Variants in UNC13A observed in about 807,000 individuals in gnomAD.
UNC13A encodes unc-13 homolog A.
A neutral mutation model predicts 219.7 loss-of-function variants in UNC13A; 61 were observed. That is an observed-to-expected ratio of 0.28 (90% CI 0.23 to 0.34). UNC13A has a LOEUF of 0.34. Among genes scored for constraint, UNC13A ranks in the 10% least tolerant of loss-of-function variants. The probability of loss-of-function intolerance (pLI) is 1.00; values close to 1 mark genes in which losing one functional copy is unlikely to be tolerated. For synonymous variants in UNC13A, 920 were observed against 884.6 expected (o/e 1.04, Z -0.71); for missense variants, 1,476 against 2,270.3 (o/e 0.65, Z 7.11).
At chr19:17,650,180 G>T (rs903280457) in intron 12 of UNC13A, among the ~76,000 whole-genome samples, 2 of 152,170 alleles carry the variant, frequency 1.3e-5, no homozygotes, top group Non-Finnish European at 2.9e-5. Flanking sequence ...CACCTTGAAT[G>T]AAAACGTGAA....
intron 20 of UNC13A, among the ~76,000 whole-genome samples, chr19:17,642,159 T>A (rs573578005): frequency 3.3e-5 from 5 of 152,190 alleles, no homozygotes; most frequent in African/African-American, 1.2e-4. Flanking sequence ...TACAACTTAA[T>A]CTGCTCATCC....
At position 17,618,505 on chromosome 19, in the gene UNC13A, G is replaced by A; in HGVS notation, c.4330-4C>T. Reference sequence around the variant, plus strand: ...CTTCTTCTCGTACCATGTGATCCTGGATGGATGGGGAGAGGGGCCATGTGG... The same window carrying A: ...CTTCTTCTCGTACCATGTGATCCTGAATGGATGGGGAGAGGGGCCATGTGG... On this transcript the variant is annotated splice_region_variant and splice_polypyrimidine_tract_variant and intron_variant, in intron 39 of 43. Transcript: ENST00000519716. The A allele has an allele frequency of 6.3e-7, 1 of 1,584,810 alleles. No homozygotes were observed. Among genetic ancestry groups the A allele is most frequent in the Non-Finnish European group, 8.6e-7 (1 of 1,165,330 alleles).
At chr19:17,633,951 G>A (rs560474937) in intron 26 of UNC13A, among the ~76,000 whole-genome samples, 147 of 134,072 alleles carry the variant, frequency 1.1e-3, no homozygotes, top group African/African-American at 1.1e-3. Flanking sequence ...CCACCCATCC[G>A]TTCACCTATC....
In UNC13A at chr19:17,649,280, G is replaced by T; in HGVS notation, c.1524+59C>A. On this transcript the variant is annotated intron_variant, in intron 14 of 43. Transcript: ENST00000519716. The surrounding 1 kb of genome is among the most constrained non-coding windows in gnomAD (Gnocchi z 4.4). ...TCCATGAATTGGGGGCCTGTTAGAA[G>T]ATCCCAGTGGGGGAGTTTGGGGAGA... 1 of 1,546,570 alleles carries T rather than the reference G, an allele frequency of 6.5e-7. No individual in the cohort carries two copies. The highest frequency in any genetic ancestry group is 8.7e-7 in the Non-Finnish European group (1 of 1,152,240).
chr19:17,627,705 C>A lies in UNC13A; in HGVS notation c.3832-108G>T. The A allele has an allele frequency of 8.0e-7, 1 of 1,255,014 alleles. No individual in the cohort carries two copies. The highest frequency in any genetic ancestry group is 1.3e-5 in the South Asian group (1 of 76,142). The allele number at this position is 1,255,014 out of a possible 1,614,324, so 77.7% of individuals were successfully genotyped here. On this transcript the variant is annotated intron_variant, in intron 32 of 43. Transcript: ENST00000519716. This position sits in a 1 kb window ranked among gnomAD's most constrained non-coding sequence, Gnocchi z 4.7. ...GGATCCCAAGGGGCTGCAGGGGAAA[C>A]TGAGGCACAGACCGTTATGCTGCAA...
chr19:17,656,161 C>T lies in UNC13A; in HGVS notation c.1005G>A (p.Glu335=). 6.4e-7 allele frequency: 1 copy of T among 1,552,346 alleles called. No individual in the cohort carries two copies. Residue 335 remains glutamate (E), a synonymous_variant, in exon 10 of 44, where the codon GAG becomes GAA. Transcript: ENST00000519716. ...GCTCCTCCTCATCTTCAGGCAGCTC[C>T]TCCTCCTCCAGGAAGTCCTCCAGGT... ...EEDLEDFLEE[E]ELPEDEEELE...
At chr19:17,670,839 G>T (rs2145904490) in intron 4 of UNC13A, among the ~76,000 whole-genome samples, 1 of 151,778 alleles carries the variant, frequency 6.6e-6, no homozygotes, top group East Asian at 1.9e-4. Flanking sequence ...GGGAGGCAGA[G>T]GTTGCAGTGA....
rs116041506 is a variant in UNC13A at position 17,645,570 on chromosome 19, C to A, written c.2356+104G>T. 5.3e-4 allele frequency: 808 copies of A among 1,517,250 alleles called. 4 individuals carry two copies. In the African/African-American group the frequency reaches 0.01, roughly 19 times the overall value. 94.0% of individuals were successfully genotyped at this position (1,517,250 alleles called of 1,614,324 possible). The stretch of plus-strand genomic sequence containing the variant: ...CCCCCATCAGATTATGCTCCTCGAC[C>A]AAACTCCTCCTGAGAACACATCTCT... On this transcript the variant is annotated intron_variant, in intron 19 of 43. Transcript: ENST00000519716.
chr19:17,630,422 A>G (rs2076830676), intron 29 of UNC13A, 134 bp from the exon 30 acceptor site: 1 of 1,421,618 alleles, frequency 7.0e-7, no homozygotes, highest in Admixed American at 2.4e-5. Flanking sequence ...GGCGAGGTAG[A>G]CTTAGAGTCA....
rs1214550126 is a variant in UNC13A, at chr19:17,688,225, AGGCGGCCGGGCC to A, written c.-38_-27del. On this transcript the variant is annotated 5_prime_UTR_variant, in exon 1 of 44. Coordinates refer to ENST00000519716, the MANE Select transcript of UNC13A (RefSeq NM_001080421.3). Reference sequence around the variant, plus strand: ...GTCTCCGAGCTCGCAGGTGGGCCGGAGGCGGCCGGGCCGGCTCTGTCGGGTCGGGCTCAGCGG... The same window carrying A: ...GTCTCCGAGCTCGCAGGTGGGCCGGAGGCTCTGTCGGGTCGGGCTCAGCGG... 4 of 1,492,614 alleles carry A rather than the reference AGGCGGCCGGGCC, an allele frequency of 2.7e-6. No individual in the cohort carries two copies. Among genetic ancestry groups the A allele is most frequent in the Non-Finnish European group, 3.6e-6 (4 of 1,121,802 alleles). The allele number at this position is 1,492,614 out of a possible 1,614,324, so 92.5% of individuals were successfully genotyped here.
intron 16 of UNC13A, 51 bp from the exon 17 acceptor site, chr19:17,647,543 C>A: frequency 6.4e-7 from 1 of 1,565,728 alleles, no homozygotes; most frequent in South Asian, 1.1e-5. Flanking sequence ...GCATAGTGGC[C>A]CCTCACCAAG....
At chr19:17,628,462 C>T (rs538088454) in intron 31 of UNC13A, 6 of 172,666 alleles carry the variant, frequency 3.5e-5, no homozygotes, top group South Asian at 1.4e-4. Flanking sequence ...CCCACCCAGA[C>T]GTGCACAAAC....
intron 8 of UNC13A, among the ~76,000 whole-genome samples, chr19:17,661,104 C>CTTTT (rs11287808): frequency 0.032 from 4,388 of 135,342 alleles, 275 homozygotes; most frequent in African/African-American, 0.11. Flanking sequence ...ACACCCGGCC[C>CTTTT]TTTTTTTTTT....
intron 26 of UNC13A, among the ~76,000 whole-genome samples, chr19:17,633,511 T>C (rs1311897662): frequency 6.6e-6 from 1 of 151,994 alleles, no homozygotes; most frequent in African/African-American, 2.4e-5. Flanking sequence ...CTCATGCAAC[T>C]GTCCACCCAT....
intron 8 of UNC13A, 81 bp from the exon 9 acceptor site, chr19:17,658,350 A>G: frequency 7.1e-7 from 1 of 1,398,744 alleles, no homozygotes; most frequent in Non-Finnish European, 9.9e-7. Context: ...TCCCAGACTT[A>G]CGGTGCCGCT....
chr19:17,638,001 CAACTGAATGTA>C (rs1209637933), intron 25 of UNC13A, among the ~76,000 whole-genome samples: 1 of 29,220 alleles, frequency 3.4e-5, no homozygotes, highest in Non-Finnish European at 7.2e-5. Flanking sequence ...CAACTCTAGT[CAACTGAATGTA>C]AAGGAACAGA....
intron 43 of UNC13A, among the ~76,000 whole-genome samples, chr19:17,608,354 A>T (rs897717715): frequency 2.6e-5 from 3 of 115,342 alleles, no homozygotes; most frequent in African/African-American, 3.5e-5. Flanking sequence ...TTTTATATAT[A>T]ATATAAATAT....
At chr19:17,687,692 C>A (rs1245363108) in intron 1 of UNC13A, among the ~76,000 whole-genome samples, 1 of 152,038 alleles carries the variant, frequency 6.6e-6, no homozygotes, top group African/African-American at 2.4e-5. Context: ...TACATCCCCA[C>A]GGCTTGGAGA....
intron 11 of UNC13A, among the ~76,000 whole-genome samples, chr19:17,653,719 C>G (rs1281674883): frequency 6.6e-6 from 1 of 152,014 alleles, no homozygotes; most frequent in African/African-American, 2.4e-5. Flanking sequence ...TCTCAAACTC[C>G]TGAGTGCAAG....
Sources: gnomAD v4.1 joint callset for allele counts (sites outside exome capture counted in the v4.1 genomes callset) on GRCh38, gnomAD v4.1.1 for gene constraint, Gnocchi (gnomAD v3.1) non-coding constraint, MANE v1.5 for transcripts, NCBI Gene and HGNC (gene_info 2026-07-23, HGNC 2026-07-21) for gene names.